Variants in MACROD2 observed in about 807,000 individuals in gnomAD.
MACROD2 encodes the protein ADP-ribose glycohydrolase MACROD2.
A neutral mutation model predicts 70.4 loss-of-function variants in MACROD2; 36 were observed. The observed-to-expected ratio is 0.51, with a 90% CI of 0.39 to 0.68. The LOEUF (loss-of-function observed/expected upper bound fraction) is 0.68. Among genes scored for constraint, MACROD2 ranks in the 30% least tolerant of loss-of-function variants. MACROD2 has a pLI of 0.00. For synonymous variants in MACROD2, 172 were observed against 178.8 expected (o/e 0.96, Z 0.30); for missense variants, 496 against 538.4 (o/e 0.92, Z 0.78).
At chr20:15,953,510 GAAAT>G (rs1324963420) in intron 12 of MACROD2, among the ~76,000 whole-genome samples, 1 of 152,032 alleles carries the variant, frequency 6.6e-6, no homozygotes, top group African/African-American at 2.4e-5. Flanking sequence ...ATTTAAAAAT[GAAAT>G]AAATTTATTT....
intron 3 of MACROD2, among the ~76,000 whole-genome samples, chr20:14,191,231 A>G (rs2081385624): frequency 6.6e-6 from 1 of 151,850 alleles, no homozygotes; most frequent in South Asian, 2.1e-4. Context: ...CAGAAGCTCT[A>G]CTCATCTTAT....
intron 5 of MACROD2, among the ~76,000 whole-genome samples, chr20:14,745,335 A>T (rs1310360382): frequency 6.6e-6 from 1 of 152,144 alleles, no homozygotes; most frequent in East Asian, 1.9e-4. Flanking sequence ...CTATATTTGT[A>T]TAGGCCTATA....
At chr20:15,053,208 TA>T (rs1222393698) in intron 5 of MACROD2, among the ~76,000 whole-genome samples, 1 of 152,230 alleles carries the variant, frequency 6.6e-6, no homozygotes, top group Non-Finnish European at 1.5e-5. Flanking sequence ...CAGATCTAGC[TA>T]AATTTACTGA....
chr20:15,984,274 G>A (rs147362447), intron 13 of MACROD2, among the ~76,000 whole-genome samples: 3,580 of 151,914 alleles, frequency 0.024, 167 homozygotes, highest in African/African-American at 0.082. Context: ...TACAATTAAC[G>A]TTTTAAAACT....
chr20:15,069,330 A>G (rs953137426), intron 5 of MACROD2, among the ~76,000 whole-genome samples: 1 of 152,218 alleles, frequency 6.6e-6, no homozygotes, highest in African/African-American at 2.4e-5. Context: ...TCACAACTTG[A>G]CCCTGTGGTA....
intron 3 of MACROD2, among the ~76,000 whole-genome samples, chr20:14,253,042 A>G (rs1009353264): frequency 6.6e-5 from 10 of 151,928 alleles, no homozygotes; most frequent in African/African-American, 2.4e-4. Context: ...GTGTTGTTAT[A>G]CTTCTTGTGC....
At chr20:15,806,594 G>GT (rs567983585) in intron 8 of MACROD2, among the ~76,000 whole-genome samples, 29 of 150,350 alleles carry the variant, frequency 1.9e-4, no homozygotes, top group South Asian at 1.1e-3. Flanking sequence ...TGGACCTTAT[G>GT]TTTTTTTTTC....
chr20:15,338,895 G>T (rs916605969), intron 6 of MACROD2, among the ~76,000 whole-genome samples: 2 of 151,606 alleles, frequency 1.3e-5, no homozygotes, highest in African/African-American at 4.9e-5. Context: ...CAGTTTATAA[G>T]CATGATGTTC....
intron 8 of MACROD2, among the ~76,000 whole-genome samples, chr20:15,853,868 C>T (rs2064327580): frequency 1.3e-5 from 2 of 152,076 alleles, no homozygotes. Flanking sequence ...GGCACTAACC[C>T]CCAGAGGTCA....
chr20:15,677,608 C>T (rs2050079386), intron 8 of MACROD2, among the ~76,000 whole-genome samples: 1 of 151,978 alleles, frequency 6.6e-6, no homozygotes, highest in South Asian at 2.1e-4. Flanking sequence ...GAATCCCAGC[C>T]CATACCTCAG....
intron 5 of MACROD2, among the ~76,000 whole-genome samples, chr20:15,189,399 G>A (rs2076555306): frequency 6.6e-6 from 1 of 152,136 alleles, no homozygotes; most frequent in Non-Finnish European, 1.5e-5. Context: ...GAGAAAGAGA[G>A]AAGCTGAATA....
intron 5 of MACROD2, among the ~76,000 whole-genome samples, chr20:14,845,922 C>T (rs1461017063): frequency 1.3e-5 from 2 of 151,988 alleles, no homozygotes; most frequent in African/African-American, 4.8e-5. Flanking sequence ...ATGTAATTGA[C>T]CAAGAACCTG....
intron 4 of MACROD2, among the ~76,000 whole-genome samples, chr20:14,570,733 C>T (rs1263043196): frequency 1.3e-5 from 2 of 151,904 alleles, no homozygotes; most frequent in African/African-American, 4.8e-5. Flanking sequence ...AAGATAGTCT[C>T]AAAAATATTT....
At chr20:14,245,576 T>C (rs926744775) in intron 3 of MACROD2, among the ~76,000 whole-genome samples, 3 of 152,158 alleles carry the variant, frequency 2.0e-5, no homozygotes, top group African/African-American at 7.2e-5. Flanking sequence ...CCATTGCTTA[T>C]GTTACTTCAT....
At chr20:15,927,869 A>C (rs2147306163) in intron 10 of MACROD2, among the ~76,000 whole-genome samples, 1 of 152,256 alleles carries the variant, frequency 6.6e-6, no homozygotes. Flanking sequence ...AAAGCCATTA[A>C]GCAGGACTGA....
intron 4 of MACROD2, among the ~76,000 whole-genome samples, chr20:14,528,643 T>C (rs1181544749): frequency 2.0e-5 from 3 of 152,178 alleles, no homozygotes; most frequent in African/African-American, 7.2e-5. Context: ...CTCCTTGAGA[T>C]GTCTTTTTTT....
intron 8 of MACROD2, among the ~76,000 whole-genome samples, chr20:15,563,551 T>C (rs191848935): frequency 6.6e-6 from 1 of 152,288 alleles, no homozygotes; most frequent in Admixed American, 6.5e-5. Context: ...AGACTATAAA[T>C]TATTTTGGCA....
intron 6 of MACROD2, among the ~76,000 whole-genome samples, chr20:15,317,519 A>G (rs538223946): frequency 9.7e-5 from 13 of 134,620 alleles, no homozygotes; most frequent in African/African-American, 4.3e-4. Flanking sequence ...CTATCTATCT[A>G]TCTATCTGTC....
intron 5 of MACROD2, among the ~76,000 whole-genome samples, chr20:14,966,990 T>G (rs1199343471): frequency 1.3e-5 from 2 of 152,192 alleles, no homozygotes; most frequent in African/African-American, 2.4e-5. Context: ...AAACAAATAA[T>G]TTATGGTATG....
Sources: gnomAD v4.1 joint callset for allele counts (sites outside exome capture counted in the v4.1 genomes callset) on GRCh38, gnomAD v4.1.1 for gene constraint, MANE v1.5 for transcripts, NCBI Gene and HGNC (gene_info 2026-07-23, HGNC 2026-07-21) for gene names.